Variants in FAM209A observed in about 807,000 individuals in gnomAD.
The protein encoded by FAM209A is protein FAM209A.
Under a neutral mutation model 9.8 loss-of-function variants are expected in FAM209A, and 4 were observed. The observed-to-expected ratio is 0.41, with a 90% CI of 0.20 to 0.94. FAM209A has a LOEUF of 0.94. Among genes scored for constraint, FAM209A ranks in the 40% least tolerant of loss-of-function variants. The probability of loss-of-function intolerance (pLI) is 0.32; values close to 1 mark genes in which losing one functional copy is unlikely to be tolerated. For missense variants in FAM209A, 205 were observed against 209.4 expected (o/e 0.98, Z 0.13); for synonymous variants, 55 against 77.8 (o/e 0.71, Z 1.54).
At chr20:56,532,480 C>CTTTTTTTTTTTTTTTTTTTTTT in the FAM209A span, among the ~76,000 whole-genome samples, 2 of 108,260 alleles carry the variant, frequency 1.8e-5, no homozygotes, top group African/African-American at 3.8e-5. Context: ...TTTTCTTTTT[C>CTTTTTTTTTTTTTTTTTTTTTT]TTTTTTTTTT....
chr20:56,530,710 T>C (rs1985714821), downstream of FAM209A, among the ~76,000 whole-genome samples: 1 of 149,716 alleles, frequency 6.7e-6, no homozygotes, highest in Non-Finnish European at 1.5e-5. Context: ...TGTTTCACCA[T>C]GTTGGTCAGG....
At chr20:56,533,475 G>A in the FAM209A span, 11 of 1,613,992 alleles carry the variant, frequency 6.8e-6, no homozygotes, top group South Asian at 5.5e-5. Context: ...TTTCGGATTC[G>A]GCAGAACCTA....
chr20:56,533,044 T>G, the FAM209A span: 1 of 553,042 alleles, frequency 1.8e-6, no homozygotes, highest in Admixed American at 6.4e-5. Flanking sequence ...CATGACGGCC[T>G]CTACCAGCAA....
the FAM209A span, among the ~76,000 whole-genome samples, chr20:56,532,065 C>G: frequency 6.9e-6 from 1 of 145,604 alleles, no homozygotes; most frequent in African/African-American, 2.6e-5. Context: ...ACCTCTACTT[C>G]CTGGGTTCAA....
the FAM209A span, among the ~76,000 whole-genome samples, chr20:56,531,924 T>C: frequency 6.6e-6 from 1 of 151,316 alleles, no homozygotes; most frequent in East Asian, 1.9e-4. Context: ...CCCCTGCCCC[T>C]GTGCCTGGCC....
chr20:56,526,770 AAAAC>A (rs1568719810), downstream of FAM209A, among the ~76,000 whole-genome samples: 1 of 152,126 alleles, frequency 6.6e-6, no homozygotes, highest in Non-Finnish European at 1.5e-5. Flanking sequence ...TCAAAAGAAA[AAAAC>A]AAAAAGGAGA....
downstream of FAM209A, among the ~76,000 whole-genome samples, chr20:56,526,521 G>T (rs1985537158): frequency 6.6e-6 from 1 of 152,138 alleles, no homozygotes; most frequent in Middle Eastern, 3.4e-3. Flanking sequence ...ATTAGGAGGG[G>T]TGTATTCTAG....
At chr20:56,533,213 A>G in the FAM209A span, 1 of 1,539,278 alleles carries the variant, frequency 6.5e-7, no homozygotes, top group Non-Finnish European at 8.7e-7. Context: ...AATCATCACA[A>G]TGGCCAGGGT....
chr20:56,525,095 C>T (rs914554509), intron 1 of FAM209A, 38 bp downstream of exon 1: 13 of 1,605,620 alleles, frequency 8.1e-6, no homozygotes, highest in African/African-American at 1.3e-5. Context: ...CATATTGATT[C>T]AATCTCAGGA....
intron 1 of FAM209A, among the ~76,000 whole-genome samples, chr20:56,525,317 A>G (rs1985474901): frequency 6.6e-6 from 1 of 152,172 alleles, no homozygotes; most frequent in East Asian, 1.9e-4. Context: ...GATTTTTTCA[A>G]ATGTAGGATA....
chr20:56,529,026 T>C (rs1412134459), downstream of FAM209A, among the ~76,000 whole-genome samples: 1 of 143,832 alleles, frequency 7.0e-6, no homozygotes, highest in African/African-American at 2.6e-5. Flanking sequence ...CTGGCCAACA[T>C]GGTGAAACTC....
At chr20:56,530,492 G>A (rs1293269423), downstream of FAM209A, among the ~76,000 whole-genome samples, 1 of 151,876 alleles carries the variant, frequency 6.6e-6, no homozygotes, top group Non-Finnish European at 1.5e-5. Flanking sequence ...AGACTGCTCA[G>A]GAGAATTTAT....
chr20:56,532,480 C>CTTTTTTTTTTTTTT, the FAM209A span, among the ~76,000 whole-genome samples: 7 of 108,258 alleles, frequency 6.5e-5, no homozygotes, highest in East Asian at 2.1e-3. Flanking sequence ...TTTTCTTTTT[C>CTTTTTTTTTTTTTT]TTTTTTTTTT....
chr20:56,525,704 T>G, intron 1 of FAM209A, 100 bp from the exon 2 acceptor site: 1 of 1,223,720 alleles, frequency 8.2e-7, no homozygotes, highest in Non-Finnish European at 1.2e-6. Flanking sequence ...GTGGGCAGTA[T>G]GGTCTTCTTG....
At chr20:56,526,280 GAGA>G (rs541974062), downstream of FAM209A, 96 of 616,850 alleles carry the variant, frequency 1.6e-4, no homozygotes, top group African/African-American at 1.6e-3. Context: ...TGTGGGTGGT[GAGA>G]AGAACACCGA....
downstream of FAM209A, among the ~76,000 whole-genome samples, chr20:56,530,188 TCAA>T (rs1985696149): frequency 6.7e-6 from 1 of 148,424 alleles, no homozygotes; most frequent in Non-Finnish European, 1.5e-5. Context: ...ATCCATCCAT[TCAA>T]CAACATACTG....
chr20:56,530,663 A>ATT (rs34007542), downstream of FAM209A, among the ~76,000 whole-genome samples: 1,283 of 138,170 alleles, frequency 9.3e-3, 20 homozygotes, highest in African/African-American at 0.02. Flanking sequence ...CACTCAGCTA[A>ATT]TTTTTTTTTT....
the FAM209A span, among the ~76,000 whole-genome samples, chr20:56,531,247 C>T: frequency 6.6e-6 from 1 of 151,952 alleles, no homozygotes; most frequent in Non-Finnish European, 1.5e-5. Context: ...TCCCCTTGTG[C>T]TCGTCTCTAA....
At chr20:56,530,905 A>G (rs2146399671), downstream of FAM209A, among the ~76,000 whole-genome samples, 1 of 152,280 alleles carries the variant, frequency 6.6e-6, no homozygotes, top group Middle Eastern at 3.4e-3. Context: ...CCTATGCAGC[A>G]TAAAGTTCTG....
Sources: allele counts gnomAD v4.1 joint callset (sites outside exome capture counted in the v4.1 genomes callset), GRCh38; gene constraint gnomAD v4.1.1; transcripts MANE v1.5; gene names NCBI Gene and HGNC (gene_info 2026-07-23, HGNC 2026-07-21).